The following TRPV4 variants were observed in gnomAD, a reference collection of about 807,000 sequenced individuals.
The protein encoded by TRPV4 is transient receptor potential cation channel subfamily V member 4, also known as OSM9-like transient receptor potential channel 4.
In TRPV4, 58 loss-of-function variants were observed where a neutral mutation model predicts 84.1. The ratio of observed to expected loss-of-function variants is 0.69; its 90% CI spans 0.56 to 0.86. The LOEUF (loss-of-function observed/expected upper bound fraction) is 0.86. Ranked by LOEUF, TRPV4 falls within the 40% of genes least tolerant of loss-of-function variation. The pLI is 0.00. For synonymous variants in TRPV4, 489 were observed against 500.9 expected (o/e 0.98, Z 0.32); for missense variants, 879 against 1,181.1 (o/e 0.74, Z 3.75).
At chr12:109,807,898 C>A (rs867741063) in intron 3 of TRPV4, among the ~76,000 whole-genome samples, 2 of 152,154 alleles carry the variant, frequency 1.3e-5, no homozygotes, top group Non-Finnish European at 2.9e-5. Context: ...CAGCTGCCTG[C>A]GCTGGGCTCT....
intron 8 of TRPV4, 33 bp downstream of exon 8, chr12:109,794,296 G>A (rs781054861): frequency 3.7e-6 from 6 of 1,608,704 alleles, no homozygotes; most frequent in African/African-American, 1.3e-5. Flanking sequence ...CCCAGTGCCT[G>A]CCCCAGCCCC....
Position 109,796,884 on chromosome 12 carries a change from T to A in TRPV4, c.1153-180A>T, listed in dbSNP as rs1319099222. On this transcript the variant is annotated intron_variant, in intron 6 of 15. Transcript: ENST00000261740. The surrounding 1 kb of genome is among the most constrained non-coding windows in gnomAD (Gnocchi z 4.2). ...TGGTTTACAGATAAAGAATGGAGGC[T>A]GGGAAAAACGAAGGGTGTTCCAGAA... Among the ~76,000 whole-genome samples the A allele has an allele frequency of 6.6e-6, 1 of 152,158 alleles. No individual in the cohort carries two copies. Among genetic ancestry groups the A allele is most frequent in the African/African-American group, 2.4e-5 (1 of 41,436 alleles).
chr12:109,784,860 C>CGTGTGTGTGTGTGTGTGT (rs58584964), intron 14 of TRPV4, among the ~76,000 whole-genome samples: 44 of 123,800 alleles, frequency 3.6e-4, no homozygotes, highest in African/African-American at 1.3e-3. Context: ...AAAAAAAAGA[C>CGTGTGTGTGTGTGTGTGT]GTGTGTGTGT....
intron 12 of TRPV4, among the ~76,000 whole-genome samples, chr12:109,791,139 T>C (rs574759519): frequency 6.6e-6 from 1 of 152,248 alleles, no homozygotes; most frequent in Non-Finnish European, 1.5e-5. Context: ...TCCCAGCACT[T>C]TGGGAGGCCA....
intron 1 of TRPV4, among the ~76,000 whole-genome samples, chr12:109,819,548 C>T (rs1195416336): frequency 6.6e-6 from 1 of 152,210 alleles, no homozygotes; most frequent in Non-Finnish European, 1.5e-5. Context: ...TTCACAACAG[C>T]GTTCATTCAG....
chr12:109,786,664 G>A lies in TRPV4; in HGVS notation c.2336+46C>T. On this transcript the variant is annotated intron_variant, in intron 14 of 15. Coordinates refer to ENST00000261740, the MANE Select transcript of TRPV4 (RefSeq NM_021625.5). This position sits in a 1 kb window ranked among gnomAD's most constrained non-coding sequence, Gnocchi z 4.5. ...GAGCAGCAGGGGCCCCGAGCCAGTG[G>A]GGACAGTTCCGCCCTGCCATCCTGG... 1 of 1,611,766 alleles carries A rather than the reference G, an allele frequency of 6.2e-7. No homozygotes were observed. The highest frequency in any genetic ancestry group is 8.5e-7 in the Non-Finnish European group (1 of 1,179,630).
chr12:109,784,060 G>T (rs1889527158), intron 15 of TRPV4, among the ~76,000 whole-genome samples: 1 of 152,174 alleles, frequency 6.6e-6, no homozygotes, highest in Non-Finnish European at 1.5e-5. Flanking sequence ...AAACAGGAAG[G>T]TTTTCTCCAC....
At chr12:109,822,490 C>G (rs184553761) in intron 1 of TRPV4, among the ~76,000 whole-genome samples, 2 of 152,184 alleles carry the variant, frequency 1.3e-5, no homozygotes. Flanking sequence ...CTGTCCACCC[C>G]CTCCCCACCT....
At chr12:109,799,074 A>C (rs1816717312) in intron 5 of TRPV4, among the ~76,000 whole-genome samples, 162 bp from the exon 6 acceptor site, 1 of 151,304 alleles carries the variant, frequency 6.6e-6, no homozygotes, top group African/African-American at 2.4e-5. Flanking sequence ...GATGCCAGGG[A>C]GATGGGGTGT....
chr12:109,784,201 ACT>A (rs1304987527), intron 15 of TRPV4, 113 bp downstream of exon 15: 7 of 1,522,294 alleles, frequency 4.6e-6, no homozygotes, highest in East Asian at 2.3e-5. Context: ...TCAGGGGCAC[ACT>A]CTCTCATTCT....
intron 8 of TRPV4, 91 bp downstream of exon 8, chr12:109,794,238 C>T (rs547881510): frequency 6.6e-7 from 1 of 1,523,742 alleles, no homozygotes. Context: ...GGTCCCCCTA[C>T]AGGGGACCCA....
rs143835743 is a variant in TRPV4, at chr12:109,786,776, C to A, written c.2270G>T (p.Arg757Leu). Residue 757 changes from arginine (R) to leucine (L), a missense_variant, in exon 14 of 16, where the codon CGC becomes CTC. Arg to Leu is a moderately radical substitution (Grantham distance 102). This residue lies in a region of TRPV4 where 242 missense variants were observed against 355.3 expected (regional missense o/e 0.68). Coordinates refer to ENST00000261740, the MANE Select transcript of TRPV4 (RefSeq NM_021625.5). This position sits in a 1 kb window ranked among gnomAD's most constrained non-coding sequence, Gnocchi z 4.5. ...GCCCACGGTGACCATCTCCCCAGAGCGGAAGGCCTTCCTCAGGAATACGGG... is the reference window on the plus strand; with the variant it reads ...GCCCACGGTGACCATCTCCCCAGAGAGGAAGGCCTTCCTCAGGAATACGGG... ...SFPVFLRKAF[R>L]SGEMVTVGKS... is the part of the protein sequence containing the mutation. 4 of 1,614,056 alleles carry A rather than the reference C, an allele frequency of 2.5e-6. No individual in the cohort carries two copies. The highest frequency in any genetic ancestry group is 3.4e-6 in the Non-Finnish European group (4 of 1,180,026).
intron 3 of TRPV4, among the ~76,000 whole-genome samples, chr12:109,805,425 AGATGAGGTGGAACATGCAGTTCCAG>A (rs1891059235): frequency 6.6e-6 from 1 of 152,132 alleles, no homozygotes; most frequent in South Asian, 2.1e-4. Context: ...ATCTTCCCAG[AGATGAGGTGGAACATGCAGTTCCAG>A]GAACCAGCCA....
chr12:109,789,495 C>T (rs886880612), intron 12 of TRPV4, among the ~76,000 whole-genome samples: 3 of 152,176 alleles, frequency 2.0e-5, no homozygotes, highest in Admixed American at 1.3e-4. Flanking sequence ...GGCATCAGTC[C>T]TGACTGTCCC....
intron 2 of TRPV4, among the ~76,000 whole-genome samples, chr12:109,808,935 C>T (rs552991893): frequency 2.0e-3 from 300 of 149,426 alleles, no homozygotes; most frequent in Non-Finnish European, 3.7e-3. Context: ...CATCTATCCA[C>T]CCATCCATCC....
intron 12 of TRPV4, 99 bp downstream of exon 12, chr12:109,792,264 A>AGAAAT: frequency 1.1e-6 from 1 of 887,456 alleles, no homozygotes; most frequent in Non-Finnish European, 1.7e-6. Flanking sequence ...AAAAAAAAAA[A>AGAAAT]AGAACTCAGC....
chr12:109,789,808 G>A (rs550031692), intron 12 of TRPV4, among the ~76,000 whole-genome samples: 2 of 152,362 alleles, frequency 1.3e-5, no homozygotes, highest in South Asian at 2.1e-4. Context: ...AGGATTCTGA[G>A]ACCTTGTCTG....
chr12:109,786,718 C>T lies in TRPV4; in HGVS notation c.2328G>A (p.Trp776Ter). The change falls in exon 14 of 16, where the codon TGG becomes TGA. Residue 776 changes from tryptophan to a stop codon, truncating the protein, a stop_gained. Coordinates refer to ENST00000261740, the MANE Select transcript of TRPV4 (RefSeq NM_021625.5). LOFTEE classifies it high-confidence loss of function. The surrounding 1 kb of genome is among the most constrained non-coding windows in gnomAD (Gnocchi z 4.5). ...KSSDGTPDRR[W>*]CFRVDEVNWS... is the part of the protein sequence containing the mutation. Reference sequence around the variant, plus strand: ...CACTGCCCCAGCCTCACCTGAAGCACCACCTGCGGTCAGGAGTGCCGTCCG... The same window carrying T: ...CACTGCCCCAGCCTCACCTGAAGCATCACCTGCGGTCAGGAGTGCCGTCCG... 2 of 1,613,848 alleles carry T rather than the reference C, an allele frequency of 1.2e-6. No homozygotes were observed. The highest frequency in any genetic ancestry group is 2.2e-5 in the East Asian group (1 of 44,886).
At chr12:109,820,513 C>CTTT (rs1245573219) in intron 1 of TRPV4, among the ~76,000 whole-genome samples, 15 of 106,724 alleles carry the variant, frequency 1.4e-4, no homozygotes, top group South Asian at 2.9e-4. Flanking sequence ...CTTCAGCTGC[C>CTTT]CTATTTTTTT....
Sources: gnomAD v4.1 joint callset for allele counts (sites outside exome capture counted in the v4.1 genomes callset) on GRCh38, gnomAD v4.1.1 for gene constraint, gnomAD v4.1.1 regional missense constraint, Gnocchi (gnomAD v3.1) non-coding constraint, MANE v1.5 for transcripts, NCBI Gene and HGNC (gene_info 2026-07-23, HGNC 2026-07-21) for gene names.